Variants in TRAF3IP2 observed in about 807,000 individuals in gnomAD.
The protein encoded by TRAF3IP2 is E3 ubiquitin ligase TRAF3IP2.
Under a neutral mutation model 57.9 loss-of-function variants are expected in TRAF3IP2, and 35 were observed. The ratio of observed to expected loss-of-function variants is 0.60; its 90% confidence interval spans 0.46 to 0.80. The LOEUF (loss-of-function observed/expected upper bound fraction) is 0.80. Among genes scored for constraint, TRAF3IP2 ranks in the 30% least tolerant of loss-of-function variants. TRAF3IP2 has a pLI of 0.00. For synonymous variants in TRAF3IP2, 251 were observed against 268.9 expected, an observed-to-expected ratio of 0.93 and a Z score of 0.65; for missense variants, 556 against 706.4, an observed-to-expected ratio of 0.79 and a Z score of 2.41.
rs1207311252 is a variant in TRAF3IP2 at position 111,589,667 on chromosome 6, TCTC to T, written c.829+1588_829+1590del. Reference sequence around the variant, plus strand: ...CTCCCGCTCCAGCCCAAGGCCCCATTCTCCTTACACCCTCCTGCTTCCCCAGCC... The same window carrying T: ...CTCCCGCTCCAGCCCAAGGCCCCATTCTTACACCCTCCTGCTTCCCCAGCC... On this transcript the variant is annotated intron_variant, in intron 2 of 8. Transcript: ENST00000368761. Among the ~76,000 whole-genome samples, 3 of 152,048 alleles carry T rather than the reference TCTC, an allele frequency of 2.0e-5. No homozygotes were observed. The East Asian group carries it at 5.8e-4, about 29-fold the overall frequency.
In TRAF3IP2 at chr6:111,591,773, G is replaced by A; in HGVS notation, c.314C>T (p.Ala105Val). The change falls in exon 2 of 9, where the codon GCT becomes GTT. Residue 105 changes from alanine to valine, a missense_variant. Physicochemically the swap from Ala to Val is moderately conservative, Grantham distance 64 (BLOSUM62 0). This residue lies in a region of TRAF3IP2 where 428 missense variants were observed against 498.7 expected (regional missense o/e 0.86). Coordinates refer to ENST00000368761, the MANE Select transcript of TRAF3IP2 (RefSeq NM_147686.4). The surrounding 1 kb of genome is among the most constrained non-coding windows in gnomAD (Gnocchi z 4.9). ...FCRRHPGLGK[A>V]FPSGCSAVSE... ...GACTGCAGAGCACCCAGAAGGGAAAGCTTTGCCCAGGCCTGGGTGTCTCCT... is the reference window on the plus strand; with the variant it reads ...GACTGCAGAGCACCCAGAAGGGAAAACTTTGCCCAGGCCTGGGTGTCTCCT... The A allele has an allele frequency of 6.2e-7, 1 of 1,614,256 alleles. No individual in the cohort carries two copies. The highest frequency in any genetic ancestry group is 8.5e-7 in the Non-Finnish European group (1 of 1,180,042).
rs1475058433 is a variant in TRAF3IP2 at position 111,557,176 on chromosome 6, A to G, written c.*2229T>C. 1 of 151,936 alleles carries G rather than the reference A, an allele frequency of 6.6e-6. No individual in the cohort carries two copies. The highest frequency in any genetic ancestry group is 1.5e-5 in the Non-Finnish European group (1 of 68,016). The allele number at this position is 151,936 out of a possible 1,614,324, so 9.4% of individuals were successfully genotyped here. On this transcript the variant is annotated 3_prime_UTR_variant, in exon 9 of 9. Coordinates refer to ENST00000368761, the MANE Select transcript of TRAF3IP2 (RefSeq NM_147686.4). ...GGTGGACTGTCTTGTAGCACAAGTG[A>G]GCCTTGTTTAAGAGGCTAGTAGATA...
rs148778036 is a variant in TRAF3IP2 at position 111,592,079 on chromosome 6, C to G, written c.8G>C (p.Arg3Pro). Reference protein sequence around the residue: MNRSIPVEVDESE... With the variant: MNPSIPVEVDESE... Reference sequence around the variant, plus strand: ...TTCATCAACCTCCACAGGAATGCTTCGGTTCATTCTAGTTTCTGGAACAAG... The same window carrying G: ...TTCATCAACCTCCACAGGAATGCTTGGGTTCATTCTAGTTTCTGGAACAAG... Residue 3 changes from arginine to proline, a missense_variant, in exon 2 of 9, where the codon CGA becomes CCA. Arg to Pro is a moderately radical substitution (Grantham distance 103, BLOSUM62 -2). Around this residue, in one of 2 missense-constraint regions of TRAF3IP2, gnomAD observed 428 missense variants for 498.7 expected, o/e 0.86. Coordinates refer to ENST00000368761, the MANE Select transcript of TRAF3IP2 (RefSeq NM_147686.4). 3 of 1,612,908 alleles carry G rather than the reference C, an allele frequency of 1.9e-6. No homozygotes were observed. The African/African-American group carries it at 4.0e-5, about 22-fold the overall frequency.
intron 2 of TRAF3IP2, 129 bp from the exon 3 acceptor site, chr6:111,580,518 C>T: frequency 1.5e-6 from 1 of 683,510 alleles, no homozygotes; most frequent in Non-Finnish European, 2.2e-6. Flanking sequence ...GTTACCACCT[C>T]TGTGATGTTT....
At chr6:111,599,012 A>C (rs923154122) in intron 1 of TRAF3IP2, among the ~76,000 whole-genome samples, 2 of 145,476 alleles carry the variant, frequency 1.4e-5, no homozygotes, top group Non-Finnish European at 3.0e-5. Flanking sequence ...TCTTCCTCCC[A>C]CCTTAGCCTC....
intron 4 of TRAF3IP2, 99 bp from the exon 5 acceptor site, chr6:111,573,082 A>G (rs536557248): frequency 5.1e-6 from 5 of 980,090 alleles, no homozygotes; most frequent in South Asian, 3.0e-5. Flanking sequence ...TTCTAGAATA[A>G]TAAGAGGAAA....
intron 2 of TRAF3IP2, among the ~76,000 whole-genome samples, chr6:111,584,250 T>G (rs1796260730): frequency 6.6e-6 from 1 of 152,208 alleles, no homozygotes; most frequent in Admixed American, 6.5e-5. Context: ...GCATGTGGGC[T>G]AAGTGTTTGA....
chr6:111,594,501 ACTCTTCTAG>A (rs1796618965), intron 1 of TRAF3IP2: 1 of 452,448 alleles, frequency 2.2e-6, no homozygotes, highest in Non-Finnish European at 4.4e-6. Context: ...TGCAAATTCT[ACTCTTCTAG>A]CTGAGGAGCC....
chr6:111,599,066 ATTTTTTTTTTTT>A (rs1017585005), intron 1 of TRAF3IP2, among the ~76,000 whole-genome samples: 1 of 129,056 alleles, frequency 7.7e-6, no homozygotes, highest in Non-Finnish European at 1.6e-5. Context: ...CACCTGGTTA[ATTTTTTTTTTTT>A]TTTTTTTTTT....
rs1795507307 is a variant in TRAF3IP2, at chr6:111,563,128, TTTA to T, written c.1477-92_1477-90del. The T allele has an allele frequency of 8.8e-6, 8 of 912,582 alleles. No individual in the cohort carries two copies. The Admixed American group carries it at 1.4e-4, about 16-fold the overall frequency. The allele number at this position is 912,582 out of a possible 1,614,324, so 56.5% of individuals were successfully genotyped here. On this transcript the variant is annotated intron_variant, in intron 7 of 8. Coordinates refer to ENST00000368761, the MANE Select transcript of TRAF3IP2 (RefSeq NM_147686.4). The stretch of plus-strand genomic sequence containing the variant: ...TAATCATGCACGTCCACATGGCATT[TTTA>T]TTCTGATTTCCATACTTGAGTGCCA...
chr6:111,578,536 G>T (rs1409072357), intron 3 of TRAF3IP2, among the ~76,000 whole-genome samples: 1 of 152,138 alleles, frequency 6.6e-6, no homozygotes, highest in Non-Finnish European at 1.5e-5. Context: ...AGCTACTCTT[G>T]GGAGGCTGAG....
chr6:111,604,527 C>T (rs1192797328), intron 1 of TRAF3IP2, among the ~76,000 whole-genome samples: 1 of 152,238 alleles, frequency 6.6e-6, no homozygotes, highest in Non-Finnish European at 1.5e-5. Flanking sequence ...GGGACATGAA[C>T]TAATTCGAGA....
At chr6:111,578,120 T>C (rs181052254) in intron 3 of TRAF3IP2, among the ~76,000 whole-genome samples, 14 of 152,368 alleles carry the variant, frequency 9.2e-5, no homozygotes, top group Admixed American at 9.1e-4. Flanking sequence ...CTCTGTATTA[T>C]CTTTGCAACT....
chr6:111,565,404 ATCAGT>A (rs1459864495), intron 7 of TRAF3IP2: 1 of 152,238 alleles, frequency 6.6e-6, no homozygotes, highest in Non-Finnish European at 1.5e-5. Context: ...AATGGAGCTT[ATCAGT>A]TCTAGTCCAG....
intron 1 of TRAF3IP2, among the ~76,000 whole-genome samples, chr6:111,604,034 T>C (rs141055393): frequency 6.6e-6 from 1 of 152,284 alleles, no homozygotes; most frequent in East Asian, 1.9e-4. Flanking sequence ...CAGGAACTCA[T>C]TGCAGGTGAA....
chr6:111,588,779 G>T (rs1796415965), intron 2 of TRAF3IP2, among the ~76,000 whole-genome samples: 1 of 152,184 alleles, frequency 6.6e-6, no homozygotes, highest in Admixed American at 6.5e-5. Context: ...TATTTTAAAT[G>T]TCCAACAATA....
Position 111,563,055 on chromosome 6 carries a change from T to C in TRAF3IP2, c.1477-16A>G, listed in dbSNP as rs1456904614. 6.3e-7 allele frequency: 1 copy of C among 1,596,930 alleles called. No homozygotes were observed. Among genetic ancestry groups the C allele is most frequent in the Admixed American group, 1.7e-5 (1 of 59,740 alleles). On this transcript the variant is annotated splice_polypyrimidine_tract_variant and intron_variant, in intron 7 of 8. Transcript: ENST00000368761. ...CAATCTGCATCTGAAACCAAACAAA[T>C]GTGAAGGTTTAATTTCAGGAATGAG...
At chr6:111,599,461 C>T (rs1267448682) in intron 1 of TRAF3IP2, among the ~76,000 whole-genome samples, 7 of 152,122 alleles carry the variant, frequency 4.6e-5, no homozygotes, top group Non-Finnish European at 1.0e-4. Flanking sequence ...TGACAATGCT[C>T]CCTTGCTGTC....
chr6:111,581,473 T>C (rs3777912), intron 2 of TRAF3IP2, among the ~76,000 whole-genome samples: 51,362 of 152,004 alleles, frequency 0.34, 9,488 homozygotes, highest in African/African-American at 0.49. Context: ...TTTTTAAAAA[T>C]CCTCATTGAT....
Sources: allele counts gnomAD v4.1 joint callset (sites outside exome capture counted in the v4.1 genomes callset), GRCh38; gene constraint gnomAD v4.1.1; regional missense constraint gnomAD v4.1.1; non-coding constraint Gnocchi (gnomAD v3.1); transcripts MANE v1.5; gene names NCBI Gene and HGNC (gene_info 2026-07-23, HGNC 2026-07-21).